The following ENPP2 variants were observed in gnomAD, a reference collection of about 807,000 sequenced individuals.
ENPP2 encodes autotaxin.
ENPP2 carries 51 observed loss-of-function variants against 120.2 expected under a neutral mutation model. The observed-to-expected ratio is 0.42, with a 90% CI of 0.34 to 0.54. ENPP2 has a LOEUF of 0.54. ENPP2 is among the 20% of genes least tolerant of loss of function. The pLI is 0.04. For missense variants in ENPP2, 920 were observed against 1,066.5 expected, an observed-to-expected ratio of 0.86 and a Z score of 1.91; for synonymous variants, 365 against 366.4, an observed-to-expected ratio of 1.00 and a Z score of 0.04.
intron 1 of ENPP2, among the ~76,000 whole-genome samples, chr8:119,658,527 C>T (rs111980727): frequency 0.019 from 2,835 of 152,308 alleles, 84 homozygotes; most frequent in African/African-American, 0.065. Flanking sequence ...AGGTTCAAAC[C>T]TCAGCACTGC....
chr8:119,595,699 G>A lies in ENPP2; in HGVS notation c.973-1839C>T, dbSNP rs562527231. The A allele has an allele frequency of 1.5e-5, 11 of 714,334 alleles. No individual in the cohort carries two copies. The East Asian group carries it at 2.7e-4, about 18-fold the overall frequency. 44.2% of individuals were successfully genotyped at this position (714,334 alleles called of 1,614,324 possible). On this transcript the variant is annotated intron_variant, in intron 11 of 24. Transcript: ENST00000075322. ...CTTCACATCAGTGTTAACCTCTGAA[G>A]TACCACATTCTTCTGGACTCAAAGC...
chr8:119,601,320 CCA>C, intron 10 of ENPP2, 75 bp downstream of exon 10: 2 of 1,003,268 alleles, frequency 2.0e-6, no homozygotes. Flanking sequence ...TGCTTCTATT[CCA>C]CAGTCTAGTG....
At position 119,575,954 on chromosome 8, in the gene ENPP2, C is replaced by T. The variant is rs117574951; in HGVS notation, c.1780+4162G>A. On this transcript the variant is annotated intron_variant, in intron 19 of 24. Transcript: ENST00000075322. ...AAAAACACACAGATACACACGCAGA[C>T]ACAAACACTCAGAAGCAGGAGTGAA... 5.0e-3 allele frequency among the ~76,000 whole-genome samples: 769 copies of T among 152,326 alleles called. 2 individuals are homozygous for T. The highest frequency in any genetic ancestry group is 9.0e-3 in the Admixed American group (138 of 15,296).
intron 20 of ENPP2, among the ~76,000 whole-genome samples, chr8:119,570,487 G>A (rs796333687): frequency 3.9e-4 from 60 of 152,262 alleles, no homozygotes; most frequent in African/African-American, 1.4e-3. Flanking sequence ...AAAAGAATTA[G>A]TGATCTACCT....
chr8:119,610,525 C>T (rs1251744460), intron 8 of ENPP2, among the ~76,000 whole-genome samples: 28 of 151,008 alleles, frequency 1.9e-4, no homozygotes, highest in Non-Finnish European at 8.8e-5. Context: ...AGAAGCTTCC[C>T]GGTTCCTTGT....
At chr8:119,647,625 T>G (rs934014179) in intron 1 of ENPP2, among the ~76,000 whole-genome samples, 4 of 152,182 alleles carry the variant, frequency 2.6e-5, no homozygotes, top group Non-Finnish European at 5.9e-5. Flanking sequence ...GGGTTCCCTG[T>G]TTTTTCAGTA....
chr8:119,567,190 T>C (rs1306203168), intron 22 of ENPP2, among the ~76,000 whole-genome samples: 1 of 152,184 alleles, frequency 6.6e-6, no homozygotes, highest in South Asian at 2.1e-4. Flanking sequence ...TCACTACAAA[T>C]GTACTGAAAG....
chr8:119,571,083 G>A, intron 19 of ENPP2: 1 of 301,710 alleles, frequency 3.3e-6, no homozygotes, highest in Non-Finnish European at 6.0e-6. Context: ...TTTACAGAAT[G>A]CTTTTTTTAG....
intron 24 of ENPP2, among the ~76,000 whole-genome samples, chr8:119,562,054 G>A (rs535970305): frequency 3.4e-4 from 50 of 147,258 alleles, no homozygotes; most frequent in African/African-American, 1.1e-3. Context: ...GGAGAATGGC[G>A]TGAGCCCGGG....
intron 19 of ENPP2, among the ~76,000 whole-genome samples, chr8:119,575,773 T>A (rs1222955545): frequency 6.6e-6 from 1 of 152,218 alleles, no homozygotes; most frequent in Non-Finnish European, 1.5e-5. Context: ...GCAGTTGCAG[T>A]TGTACTGTTT....
In ENPP2 at chr8:119,619,268, A is replaced by G; in HGVS notation, c.455T>C (p.Ile152Thr). 1 of 1,613,028 alleles carries G rather than the reference A, an allele frequency of 6.2e-7. No individual in the cohort carries two copies. Among genetic ancestry groups the G allele is most frequent in the Non-Finnish European group, 8.5e-7 (1 of 1,179,122 alleles). The change falls in exon 5 of 25, where the codon ATA (isoleucine) becomes ACA (threonine). Residue 152 changes from isoleucine to threonine, a missense_variant. By Grantham distance (89) the Ile-to-Thr change is moderately conservative (BLOSUM62 -1). Coordinates refer to ENST00000075322, the MANE Select transcript of ENPP2 (RefSeq NM_001040092.3). The stretch of plus-strand genomic sequence containing the variant: ...CCCTGCAGGGCATTCTGCGGCCTTT[A>G]TTTCCTCACAGTCATCATCAACCCA... The part of the protein sequence containing the change: ...SHWVDDDCEE[I>T]KAAECPAGFV...
At position 119,557,493 on chromosome 8, in the gene ENPP2, T is replaced by A; in HGVS notation, c.*28A>T. ...AATATAAAAATATACAACCAGTTGATAAGACTGTACTGCAGATGCTCAGAA... is the reference window on the plus strand; with the variant it reads ...AATATAAAAATATACAACCAGTTGAAAAGACTGTACTGCAGATGCTCAGAA... On this transcript the variant is annotated 3_prime_UTR_variant, in exon 25 of 25. Transcript: ENST00000075322. 1 of 1,554,838 alleles carries A rather than the reference T, an allele frequency of 6.4e-7. No individual in the cohort carries two copies. The highest frequency in any genetic ancestry group is 8.8e-7 in the Non-Finnish European group (1 of 1,140,170).
chr8:119,655,333 A>C (rs13272559), intron 1 of ENPP2, among the ~76,000 whole-genome samples: 2,826 of 152,320 alleles, frequency 0.019, 86 homozygotes, highest in African/African-American at 0.064. Context: ...CAGATTGCCA[A>C]CAGAGTATTA....
intron 12 of ENPP2, among the ~76,000 whole-genome samples, chr8:119,593,357 T>C (rs1813672069): frequency 6.6e-6 from 1 of 152,148 alleles, no homozygotes; most frequent in South Asian, 2.1e-4. Context: ...TAGATGTATT[T>C]TTTAACCATA....
At chr8:119,587,119 T>G in intron 13 of ENPP2, 44 bp from the exon 14 acceptor site, 1 of 1,522,172 alleles carries the variant, frequency 6.6e-7, no homozygotes, top group Non-Finnish European at 9.0e-7. Flanking sequence ...ATAACAACCA[T>G]TACCAAGAGA....
chr8:119,658,576 T>C (rs1817832234), intron 1 of ENPP2, among the ~76,000 whole-genome samples: 2 of 152,170 alleles, frequency 1.3e-5, no homozygotes, highest in South Asian at 4.1e-4. Context: ...ATATAACTCC[T>C]CCTATTTCTC....
intron 7 of ENPP2, 29 bp from the exon 8 acceptor site, chr8:119,616,413 A>C: frequency 6.6e-7 from 1 of 1,517,098 alleles, no homozygotes; most frequent in Non-Finnish European, 9.1e-7. Flanking sequence ...TTATTGTTAA[A>C]ATAACAATAC....
chr8:119,568,284 G>A (rs2130047025), intron 21 of ENPP2, 32 bp from the exon 22 acceptor site: 1 of 1,240,386 alleles, frequency 8.1e-7, no homozygotes, highest in Non-Finnish European at 1.2e-6. Flanking sequence ...AGTATACGTT[G>A]CTTACCAAAA....
At chr8:119,576,291 C>A (rs111716020) in intron 19 of ENPP2, among the ~76,000 whole-genome samples, 1 of 152,088 alleles carries the variant, frequency 6.6e-6, no homozygotes, top group Non-Finnish European at 1.5e-5. Context: ...GTGGATGCCA[C>A]GATGCCCAGC....
Sources: allele counts gnomAD v4.1 joint callset (sites outside exome capture counted in the v4.1 genomes callset), GRCh38; gene constraint gnomAD v4.1.1; transcripts MANE v1.5; gene names NCBI Gene and HGNC (gene_info 2026-07-23, HGNC 2026-07-21).